Variants in MSI2 observed in about 807,000 individuals in gnomAD.
MSI2 encodes the protein musashi RNA binding protein 2, also known as RNA-binding protein Musashi homolog 2.
In MSI2, 17 loss-of-function variants were observed where a neutral mutation model predicts 45.6. That is an observed-to-expected ratio of 0.37 (90% confidence interval 0.26 to 0.56). The LOEUF (loss-of-function observed/expected upper bound fraction) is 0.56, where lower values mean the gene tolerates loss of function less well. Among genes scored for constraint, MSI2 ranks in the 20% least tolerant of loss-of-function variants. MSI2 has a pLI of 0.77. For synonymous variants in MSI2, 156 were observed against 158.2 expected (o/e 0.99, Z 0.11); for missense variants, 293 against 444.2 (o/e 0.66, Z 3.06).
At chr17:57,269,432 T>C (rs1489938383) in intron 5 of MSI2, among the ~76,000 whole-genome samples, 1 of 152,166 alleles carries the variant, frequency 6.6e-6, no homozygotes, top group Admixed American at 6.5e-5. Flanking sequence ...CCTGGAGAAC[T>C]TCCAACCTGG....
intron 5 of MSI2, among the ~76,000 whole-genome samples, chr17:57,281,355 C>T (rs1909401519): frequency 6.6e-6 from 1 of 152,088 alleles, no homozygotes; most frequent in African/African-American, 2.4e-5. Flanking sequence ...CTCATGTGGG[C>T]CACTCTTCCC....
intron 5 of MSI2, among the ~76,000 whole-genome samples, chr17:57,386,573 A>G (rs28525335): frequency 1.5e-3 from 225 of 152,170 alleles, no homozygotes; most frequent in African/African-American, 5.2e-3. Context: ...CTTCCATTCT[A>G]GAGGGTGCAT....
At chr17:57,605,599 C>T (rs570491166) in intron 8 of MSI2, among the ~76,000 whole-genome samples, 2 of 152,344 alleles carry the variant, frequency 1.3e-5, no homozygotes, top group South Asian at 4.1e-4. Flanking sequence ...GCCTCTTCCC[C>T]GCGCAGAAGG....
intron 6 of MSI2, chr17:57,523,050 CTTT>C (rs34090162): frequency 6.4e-5 from 9 of 141,372 alleles, no homozygotes; most frequent in South Asian, 2.2e-4. Context: ...GCATTGTGTC[CTTT>C]TTTTTTTTTT....
intron 5 of MSI2, among the ~76,000 whole-genome samples, chr17:57,369,439 A>G (rs1359632310): frequency 2.0e-5 from 3 of 152,210 alleles, no homozygotes; most frequent in African/African-American, 7.2e-5. Context: ...CTTAGGAATA[A>G]AGCAGGTTGG....
At chr17:57,473,473 A>G (rs2586232) in intron 6 of MSI2, among the ~76,000 whole-genome samples, 151,249 of 152,332 alleles carry the variant, frequency 0.99, 75,099 homozygotes, top group East Asian at 1. Context: ...GACGGCAAAA[A>G]GAAATGAAAA....
chr17:57,538,618 CCTT>C (rs1379928885), intron 7 of MSI2, among the ~76,000 whole-genome samples: 2 of 152,268 alleles, frequency 1.3e-5, no homozygotes, highest in Admixed American at 6.5e-5. Flanking sequence ...CCCCCTTCCT[CCTT>C]AAGTGAAACC....
At chr17:57,257,637 T>G in intron 3 of MSI2, 90 bp downstream of exon 3, 1 of 939,964 alleles carries the variant, frequency 1.1e-6, no homozygotes, top group Admixed American at 1.9e-5. Context: ...GCTAAGCGGA[T>G]TAGAATGGGG....
rs2086253407 is a variant in MSI2, at chr17:57,507,223, CTCTGTGTGTGTGTGTGTGTGTGTGTGTG to C, written c.406-22451_406-22424del. ...TTCCCATTGGTTTTTGTCTTTGTCT[CTCTGTGTGTGTGTGTGTGTGTGTGTGTG>C]TGTGTGTGTGTGTGTGTGTGTGTGT... is the stretch of plus-strand genomic sequence containing the variant. On this transcript the variant is annotated intron_variant, in intron 6 of 13. Transcript: ENST00000284073. Among the ~76,000 whole-genome samples, 58 of 109,888 alleles carry C rather than the reference CTCTGTGTGTGTGTGTGTGTGTGTGTGTG, an allele frequency of 5.3e-4. 1 individual carries two copies. The highest frequency in any genetic ancestry group is 1.0e-3 in the Admixed American group (11 of 11,026). The allele number at this position is 109,888 out of a possible 152,430, so 72.1% of individuals were successfully genotyped here.
At position 57,286,021 on chromosome 17, in the gene MSI2, A is replaced by G. The variant is rs899431608; in HGVS notation, c.312+23829A>G. On this transcript the variant is annotated intron_variant, in intron 5 of 13. Coordinates refer to ENST00000284073, the MANE Select transcript of MSI2 (RefSeq NM_138962.4). ...CCTGCAATCTGATGAGGGTAAGAAAAAGTTCATGCTGTTCATATTAGCTAG... is the reference window on the plus strand; with the variant it reads ...CCTGCAATCTGATGAGGGTAAGAAAGAGTTCATGCTGTTCATATTAGCTAG... 8 of 1,522,316 alleles carry G rather than the reference A, an allele frequency of 5.3e-6. No individual in the cohort carries two copies. In the African/African-American group the frequency reaches 8.3e-5, roughly 16 times the overall value. The allele number at this position is 1,522,316 out of a possible 1,614,324, so 94.3% of individuals were successfully genotyped here. A position where few individuals can be genotyped will look rare whatever the true frequency, so the allele number is the denominator to read the frequency against.
chr17:57,285,913 A>G lies in MSI2; in HGVS notation c.312+23721A>G, dbSNP rs142048011. The G allele has an allele frequency of 3.8e-5, 58 of 1,533,722 alleles. No homozygotes were observed. The African/African-American group carries it at 7.1e-4, about 19-fold the overall frequency. On this transcript the variant is annotated intron_variant, in intron 5 of 13. Coordinates refer to ENST00000284073, the MANE Select transcript of MSI2 (RefSeq NM_138962.4). ...TGAGGGGTTATATTAAGAAAGTACT[A>G]AAGAATACGTCTTATCACGTGAATC...
intron 10 of MSI2, among the ~76,000 whole-genome samples, chr17:57,638,362 A>C (rs1457985670): frequency 6.6e-6 from 1 of 152,222 alleles, no homozygotes. Context: ...AATGGTCATC[A>C]GCACCCGACC....
At chr17:57,669,596 CTTTA>C (rs1306604878) in intron 11 of MSI2, among the ~76,000 whole-genome samples, 7 of 152,138 alleles carry the variant, frequency 4.6e-5, no homozygotes, top group Non-Finnish European at 8.8e-5. Flanking sequence ...AGTGTGATAA[CTTTA>C]TTTAGTTTCT....
chr17:57,627,157 C>G lies in MSI2; in HGVS notation c.653-72C>G. The G allele has an allele frequency of 7.5e-7, 1 of 1,330,548 alleles. No individual in the cohort carries two copies. Among genetic ancestry groups the G allele is most frequent in the East Asian group, 2.3e-5 (1 of 43,456 alleles). 82.4% of individuals were successfully genotyped at this position (1,330,548 alleles called of 1,614,324 possible). ...AACTCAGGCTTTCCTCATTGCCACC[C>G]TCCGTGAGATTTTACCCCAGACCTG... On this transcript the variant is annotated intron_variant, in intron 9 of 13. Transcript: ENST00000284073. The surrounding 1 kb of genome is among the most constrained non-coding windows in gnomAD (Gnocchi z 4.6).
intron 6 of MSI2, among the ~76,000 whole-genome samples, chr17:57,421,251 G>A (rs765076368): frequency 4.6e-5 from 7 of 152,112 alleles, no homozygotes; most frequent in African/African-American, 1.4e-4. Context: ...TAATGGCCCC[G>A]TGGCAGTCCC....
intron 7 of MSI2, among the ~76,000 whole-genome samples, chr17:57,576,483 C>T (rs2088050029): frequency 6.6e-6 from 1 of 152,162 alleles, no homozygotes; most frequent in Non-Finnish European, 1.5e-5. Context: ...TGGCTGGGTG[C>T]AGTGGCCCAC....
Position 57,401,369 on chromosome 17 carries a change from T to C in MSI2, c.313-10T>C, listed in dbSNP as rs78118517. On this transcript the variant is annotated splice_polypyrimidine_tract_variant and intron_variant, in intron 5 of 13. Coordinates refer to ENST00000284073, the MANE Select transcript of MSI2 (RefSeq NM_138962.4). ...GTTAACCCATGCCTTTCTCTTGTCA[T>C]TTCTTGCAGATGGTCACAAGAACAA... 62 of 1,611,738 alleles carry C rather than the reference T, an allele frequency of 3.8e-5. No homozygotes were observed. In the East Asian group the frequency reaches 1.3e-3, roughly 34 times the overall value.
chr17:57,566,477 C>T (rs1272683511), intron 7 of MSI2, among the ~76,000 whole-genome samples: 1 of 152,094 alleles, frequency 6.6e-6, no homozygotes, highest in African/African-American at 2.4e-5. Context: ...AAGCCCTGGC[C>T]CCCTGGGTCA....
chr17:57,632,930 T>C (rs1445419839), intron 10 of MSI2: 1 of 1,057,918 alleles, frequency 9.5e-7, no homozygotes, highest in Non-Finnish European at 1.1e-6. Context: ...TTTATTTTCC[T>C]GCAGGCTTTT....
Sources: gnomAD v4.1 joint callset for allele counts (sites outside exome capture counted in the v4.1 genomes callset) on GRCh38, gnomAD v4.1.1 for gene constraint, Gnocchi (gnomAD v3.1) non-coding constraint, MANE v1.5 for transcripts, NCBI Gene and HGNC (gene_info 2026-07-23, HGNC 2026-07-21) for gene names.